Variants in TRMT11 observed in about 807,000 individuals in gnomAD.
TRMT11 encodes the protein tRNA (guanine(10)-N(2))-methyltransferase TRMT11.
In TRMT11, 53 loss-of-function variants were observed where a neutral mutation model predicts 62.8. That is an observed-to-expected ratio of 0.84 (90% CI 0.68 to 1.06). TRMT11 has a LOEUF of 1.06. TRMT11 is among the 50% of genes least tolerant of loss of function. The probability of loss-of-function intolerance (pLI) is 0.00; values close to 1 mark genes in which losing one functional copy is unlikely to be tolerated. For missense variants in TRMT11, 556 were observed against 553.4 expected (o/e 1.00, Z -0.05); for synonymous variants, 188 against 190.3 (o/e 0.99, Z 0.10).
chr6:126,020,621 A>G (rs1265275788), intron 11 of TRMT11, among the ~76,000 whole-genome samples: 2 of 152,246 alleles, frequency 1.3e-5, no homozygotes, highest in African/African-American at 4.8e-5. Flanking sequence ...TTATTTGAAT[A>G]ATTTTACAAA....
chr6:125,996,750 G>A (rs796905867), intron 3 of TRMT11, among the ~76,000 whole-genome samples: 3 of 152,180 alleles, frequency 2.0e-5, no homozygotes, highest in African/African-American at 7.2e-5. Flanking sequence ...AAAACTTTCT[G>A]TAGAAATTAT....
At chr6:126,117,618 T>G (rs1226376368) in intron 21 of TRMT11, among the ~76,000 whole-genome samples, 1 of 152,132 alleles carries the variant, frequency 6.6e-6, no homozygotes, top group East Asian at 1.9e-4. Flanking sequence ...AGTTGAACCT[T>G]TCATTCTGAC....
intron 17 of TRMT11, among the ~76,000 whole-genome samples, chr6:126,091,306 A>G (rs1282157097): frequency 6.6e-6 from 1 of 152,196 alleles, no homozygotes; most frequent in Non-Finnish European, 1.5e-5. Flanking sequence ...AACTGGAAGT[A>G]TAAGCAGGCC....
intron 12 of TRMT11, among the ~76,000 whole-genome samples, chr6:126,027,161 T>G (rs1283287409): frequency 6.6e-6 from 1 of 152,186 alleles, no homozygotes; most frequent in Non-Finnish European, 1.5e-5. Context: ...TTGATGCTGC[T>G]ATATGTGGTT....
chr6:126,254,634 C>T, the TRMT11 span, among the ~76,000 whole-genome samples: 6 of 152,308 alleles, frequency 3.9e-5, no homozygotes, highest in Admixed American at 2.0e-4. Flanking sequence ...ATGTGTGAAA[C>T]TTACAAGGTG....
chr6:126,151,863 T>TTTCTTTCTTTCCTTCC (rs1323998793), intron 21 of TRMT11, among the ~76,000 whole-genome samples: 17 of 126,320 alleles, frequency 1.3e-4, no homozygotes, highest in African/African-American at 5.3e-4. Context: ...TCTTTCTTTC[T>TTTCTTTCTTTCCTTCC]TTCCTTCTTT....
intron 21 of TRMT11, among the ~76,000 whole-genome samples, chr6:126,121,732 T>C (rs181979756): frequency 3.0e-4 from 45 of 152,186 alleles, no homozygotes; most frequent in African/African-American, 1.1e-3. Flanking sequence ...AGAGAATCCA[T>C]CATGTCCAGG....
chr6:126,078,398 GT>G lies in TRMT11; in HGVS notation c.*1437+25221del, dbSNP rs36060578. ...CTGGTTTGCATTTTTTATTAGAAAG[GT>G]TTTTTTTTTTTTGAGTTGGACTCAG... is the stretch of plus-strand genomic sequence containing the variant. On this transcript the variant is annotated intron_variant and NMD_transcript_variant, in intron 17 of 22. Coordinates refer to the TRMT11 transcript ENST00000648977. Among the ~76,000 whole-genome samples, 1,242 of 141,378 alleles carry G rather than the reference GT, an allele frequency of 8.8e-3. 8 individuals carry two copies. The highest frequency in any genetic ancestry group is 0.026 in the African/African-American group (1,003 of 38,794). 92.7% of individuals were successfully genotyped at this position (141,378 alleles called of 152,430 possible).
chr6:126,078,965 C>G (rs1777097603), intron 17 of TRMT11, among the ~76,000 whole-genome samples: 1 of 152,150 alleles, frequency 6.6e-6, no homozygotes, highest in South Asian at 2.1e-4. Flanking sequence ...CATGATAACC[C>G]TTTCGGGGGG....
chr6:126,065,255 T>G (rs147342564), intron 17 of TRMT11, among the ~76,000 whole-genome samples: 28 of 152,120 alleles, frequency 1.8e-4, no homozygotes, highest in African/African-American at 6.5e-4. Flanking sequence ...GAGAAGATAA[T>G]TGGTCAAATA....
At position 126,132,784 on chromosome 6, in the gene TRMT11, C is replaced by T. The variant is rs113674260; in HGVS notation, c.*1823+16929C>T. Reference sequence around the variant, plus strand: ...AGGGTGGGTGTGGTAGAAGAATTATCGTATAAAATCCATATGTTTTAGAGT... The same window carrying T: ...AGGGTGGGTGTGGTAGAAGAATTATTGTATAAAATCCATATGTTTTAGAGT... On this transcript the variant is annotated intron_variant and NMD_transcript_variant, in intron 21 of 22. Coordinates refer to the TRMT11 transcript ENST00000648977. Among the ~76,000 whole-genome samples the T allele has an allele frequency of 7.2e-3, 1,098 of 152,044 alleles. 12 individuals carry two copies. The highest frequency in any genetic ancestry group is 0.025 in the African/African-American group (1,048 of 41,504).
intron 17 of TRMT11, among the ~76,000 whole-genome samples, chr6:126,093,585 G>GTATATGTATATATA (rs1777299281): frequency 6.4e-5 from 3 of 46,666 alleles, no homozygotes; most frequent in Non-Finnish European, 1.1e-4. Flanking sequence ...GGATATGTAT[G>GTATATGTATATATA]TATATATATA....
downstream of TRMT11, among the ~76,000 whole-genome samples, chr6:126,041,615 T>G (rs1362598386): frequency 6.6e-6 from 1 of 152,154 alleles, no homozygotes; most frequent in Non-Finnish European, 1.5e-5. Context: ...CATCCCATTG[T>G]AATAAATCTC....
chr6:126,061,394 G>A (rs1046345941), intron 17 of TRMT11, among the ~76,000 whole-genome samples: 2 of 152,130 alleles, frequency 1.3e-5, no homozygotes, highest in Non-Finnish European at 2.9e-5. Context: ...TGTTATTTAG[G>A]TGAATTATTT....
In TRMT11 at chr6:126,011,291, G is replaced by C. The variant is rs1794141957; in HGVS notation, c.799G>C (p.Asp267His). The change falls in exon 9 of 13, where the codon GAT becomes CAT. Residue 267 changes from aspartate to histidine, a missense_variant. Transcript: ENST00000334379. The part of the protein sequence containing the change: ...TRKNQKWRGP[D>H]ENIRANLRQY... Reference sequence around the variant, plus strand: ...GAAAAACCAGAAGTGGAGAGGACCAGATGAAAACATTAGGGCCAATCTTCG... The same window carrying C: ...GAAAAACCAGAAGTGGAGAGGACCACATGAAAACATTAGGGCCAATCTTCG... The C allele has an allele frequency of 6.2e-7, 1 of 1,613,224 alleles. No homozygotes were observed. The highest frequency in any genetic ancestry group is 1.1e-5 in the South Asian group (1 of 91,020).
At chr6:126,215,215 A>G in the TRMT11 span, among the ~76,000 whole-genome samples, 1 of 151,998 alleles carries the variant, frequency 6.6e-6, no homozygotes, top group Non-Finnish European at 1.5e-5. Flanking sequence ...TTGGCCTAGG[A>G]TGCAGATTAA....
intron 17 of TRMT11, among the ~76,000 whole-genome samples, chr6:126,098,076 A>G (rs933622092): frequency 5.3e-5 from 8 of 152,008 alleles, no homozygotes; most frequent in African/African-American, 1.9e-4. Context: ...GTTTTTCTGG[A>G]TGGGTCACAC....
the TRMT11 span, among the ~76,000 whole-genome samples, chr6:126,223,641 G>A: frequency 6.6e-6 from 1 of 152,128 alleles, no homozygotes; most frequent in East Asian, 1.9e-4. Context: ...GTGTCTTGGA[G>A]AAGCTTGTCT....
chr6:126,239,180 T>C, the TRMT11 span, among the ~76,000 whole-genome samples: 1 of 152,226 alleles, frequency 6.6e-6, no homozygotes. Flanking sequence ...GTCTGTGTCT[T>C]TTAATTGGAG....
Sources: allele counts gnomAD v4.1 joint callset (sites outside exome capture counted in the v4.1 genomes callset), GRCh38; gene constraint gnomAD v4.1.1; transcripts MANE v1.5; gene names NCBI Gene and HGNC (gene_info 2026-07-23, HGNC 2026-07-21).